Variants in CHM observed in about 807,000 individuals in gnomAD.
The protein encoded by CHM is CHM Rab escort protein, also known as rab proteins geranylgeranyltransferase component A 1.
A neutral mutation model predicts 49.0 loss-of-function variants in CHM; 10 were observed. The ratio of observed to expected loss-of-function variants is 0.20; its 90% CI spans 0.13 to 0.35. The LOEUF is 0.35. Ranked by LOEUF, CHM falls within the 10% of genes least tolerant of loss-of-function variation. The probability of loss-of-function intolerance (pLI) is 1.00; values close to 1 mark genes in which losing one functional copy is unlikely to be tolerated. For missense variants in CHM, 455 were observed against 478.4 expected (o/e 0.95, Z 0.46); for synonymous variants, 184 against 167.5 (o/e 1.10, Z -0.76).
intron 4 of CHM, among the ~76,000 whole-genome samples, chrX:85,976,606 AGAGT>A (rs1334439821): frequency 9.2e-6 from 1 of 108,700 alleles, no homozygotes; most frequent in Non-Finnish European, 1.9e-5. Context: ...CTTGGGTAGC[AGAGT>A]GAGACTCCGT....
At chrX:85,906,082 T>C (rs1358218804) in intron 9 of CHM, among the ~76,000 whole-genome samples, 1 of 111,709 alleles carries the variant, frequency 9.0e-6, no homozygotes, top group Non-Finnish European at 1.9e-5. Context: ...AGAAAACAAA[T>C]AATACTTGTT....
chrX:85,905,277 C>A (rs1427180161), intron 9 of CHM, among the ~76,000 whole-genome samples: 1 of 111,125 alleles, frequency 9.0e-6, no homozygotes, highest in Admixed American at 9.7e-5. Flanking sequence ...TGAAACTAGC[C>A]TCTTCTCTCC....
intron 9 of CHM, among the ~76,000 whole-genome samples, chrX:85,901,778 G>C (rs1383393319): frequency 2.7e-5 from 3 of 111,928 alleles, no homozygotes; most frequent in Non-Finnish European, 5.7e-5. Flanking sequence ...GATGATCATA[G>C]AAAGATTTCT....
At chrX:85,926,074 G>T (rs1350410328) in intron 8 of CHM, among the ~76,000 whole-genome samples, 1 of 110,591 alleles carries the variant, frequency 9.0e-6, no homozygotes, top group African/African-American at 3.3e-5. Context: ...TGGAAGGTGG[G>T]TTGGAAGTGT....
intron 2 of CHM, among the ~76,000 whole-genome samples, chrX:86,018,878 G>A (rs992844246): frequency 8.9e-6 from 1 of 112,147 alleles, no homozygotes; most frequent in African/African-American, 3.2e-5. Flanking sequence ...AGGAACTGAA[G>A]GCAGGGGAGT....
At chrX:85,887,271 TG>T (rs1314152427) in intron 12 of CHM, among the ~76,000 whole-genome samples, 2 of 110,751 alleles carry the variant, frequency 1.8e-5, no homozygotes, top group African/African-American at 3.3e-5. Flanking sequence ...GCTGTTCTTG[TG>T]ACAGTGAATA....
intron 11 of CHM, among the ~76,000 whole-genome samples, chrX:85,896,013 T>G (rs1459063351): frequency 1.9e-5 from 2 of 107,306 alleles, no homozygotes; most frequent in African/African-American, 6.8e-5. Flanking sequence ...TCAAACCTCA[T>G]AGAGATGATA....
At position 85,863,722 on chromosome X, in the gene CHM, G is replaced by C. The variant is rs1450859791; in HGVS notation, c.*908C>G. On this transcript the variant is annotated 3_prime_UTR_variant, in exon 15 of 15. Transcript: ENST00000357749. The stretch of plus-strand genomic sequence containing the variant: ...AAAATTCTAAAACAATTTTCTTCTG[G>C]CAAACCGATTCTAAACATGGCATTG... 1 of 111,755 alleles carries C rather than the reference G, an allele frequency of 8.9e-6. No homozygotes were observed. The highest frequency in any genetic ancestry group is 1.9e-5 in the Non-Finnish European group (1 of 53,139). 9.2% of individuals were successfully genotyped at this position (111,755 alleles called of 1,213,427 possible). A position where few individuals can be genotyped will look rare whatever the true frequency, so the allele number is the denominator to read the frequency against.
At chrX:85,959,114 C>T (rs1471598991) in intron 5 of CHM, 137 bp from the exon 6 acceptor site, 1 of 786,893 alleles carries the variant, frequency 1.3e-6, no homozygotes, top group African/African-American at 2.1e-5. Flanking sequence ...ATACATAACA[C>T]AATCTATTAC....
chrX:85,946,741 G>A (rs1929437499), intron 8 of CHM, among the ~76,000 whole-genome samples: 1 of 111,763 alleles, frequency 8.9e-6, no homozygotes, highest in Admixed American at 9.5e-5. Context: ...TCCCTACTGA[G>A]GCACTGCATA....
chrX:85,931,696 T>A (rs1054403994), intron 8 of CHM, among the ~76,000 whole-genome samples: 2 of 111,369 alleles, frequency 1.8e-5, no homozygotes, highest in African/African-American at 6.5e-5. Flanking sequence ...AAAAATGGTG[T>A]CACAGTGGGA....
intron 2 of CHM, among the ~76,000 whole-genome samples, chrX:86,009,557 T>A (rs1021440574): frequency 5.3e-5 from 6 of 112,469 alleles, no homozygotes; most frequent in African/African-American, 1.9e-4. Flanking sequence ...TGGGTCATCC[T>A]AACAAAAAAA....
At chrX:85,878,124 G>C (rs1043737786) in intron 13 of CHM, among the ~76,000 whole-genome samples, 21 of 111,950 alleles carry the variant, frequency 1.9e-4, no homozygotes, top group African/African-American at 6.8e-4. Flanking sequence ...TTTCCCCCAT[G>C]AATAAGTAGC....
chrX:85,895,812 T>A (rs1451979562), intron 11 of CHM, among the ~76,000 whole-genome samples: 1 of 111,624 alleles, frequency 9.0e-6, no homozygotes, highest in Non-Finnish European at 1.9e-5. Context: ...AGACATTGAA[T>A]GTTGAACAAT....
rs192557963 is a variant in CHM at position 85,899,014 on chromosome X, C to T, written c.1413+1632G>A. ...CATTTATTAGCAATAAAAATTGTTA[C>T]AAATGAATTGACTTTATCCACTCAC... On this transcript the variant is annotated intron_variant, in intron 11 of 14. Transcript: ENST00000357749. Among the ~76,000 whole-genome samples the T allele has an allele frequency of 3.9e-4, 44 of 112,438 alleles. 1 individual carries two copies. Among genetic ancestry groups the T allele is most frequent in the Admixed American group, 3.8e-3 (40 of 10,626 alleles).
intron 12 of CHM, among the ~76,000 whole-genome samples, chrX:85,892,225 TG>T (rs959970398): frequency 1.3e-4 from 14 of 110,826 alleles, no homozygotes; most frequent in African/African-American, 4.6e-4. Context: ...AATAAGACTT[TG>T]GGGGACTGTT....
At chrX:85,899,226 G>C (rs1295819260) in intron 11 of CHM, among the ~76,000 whole-genome samples, 1 of 111,165 alleles carries the variant, frequency 9.0e-6, no homozygotes, top group African/African-American at 3.3e-5. Context: ...AAAATCAGAG[G>C]CATAATGACA....
chrX:85,990,528 C>T (rs893130010), intron 2 of CHM, among the ~76,000 whole-genome samples: 3 of 111,448 alleles, frequency 2.7e-5, no homozygotes, highest in Non-Finnish European at 3.8e-5. Flanking sequence ...CTTTTGAAAG[C>T]TTCGCATAGC....
chrX:85,879,093 G>A (rs5968705), intron 12 of CHM, 30 bp from the exon 13 acceptor site: 15 of 993,503 alleles, frequency 1.5e-5, no homozygotes, highest in Non-Finnish European at 1.7e-5. Context: ...TGAGTTCCTT[G>A]TCATCACAAA....
Sources: allele counts gnomAD v4.1 joint callset (sites outside exome capture counted in the v4.1 genomes callset), GRCh38; gene constraint gnomAD v4.1.1; transcripts MANE v1.5; gene names NCBI Gene and HGNC (gene_info 2026-07-23, HGNC 2026-07-21).